ANKRD30A: variants seen among roughly 807,000 people sequenced by gnomAD.
The protein encoded by ANKRD30A is ankyrin repeat domain-containing protein 30A.
A neutral mutation model predicts 166.3 loss-of-function variants in ANKRD30A; 170 were observed. The ratio of observed to expected loss-of-function variants is 1.02; its 90% CI spans 0.90 to 1.16. The LOEUF (loss-of-function observed/expected upper bound fraction) is 1.16. Ranked by LOEUF, ANKRD30A falls within the 50% of genes most tolerant of loss-of-function variation. ANKRD30A has a pLI of 0.00. For synonymous variants in ANKRD30A, 564 were observed against 508.9 expected (o/e 1.11, Z -1.46); for missense variants, 1,630 against 1,518.0 (o/e 1.07, Z -1.23).
chr10:37,217,700 C>T lies in ANKRD30A; in HGVS notation c.3089C>T (p.Thr1030Ile). 1 of 1,550,886 alleles carries T rather than the reference C, an allele frequency of 6.4e-7. No homozygotes were observed. The highest frequency in any genetic ancestry group is 8.7e-7 in the Non-Finnish European group (1 of 1,153,850). The stretch of plus-strand genomic sequence containing the variant: ...ATAAGTATGTTTAATGGCAGATTGA[C>T]TTTAAACCAAGAAGAAGAGAAGAGA... ...WEQELCSVRL[T>I]LNQEEEKRRN... is the part of the protein sequence containing the mutation. Residue 1030 changes from threonine to isoleucine, a missense_variant, in exon 33 of 36, where the codon ACT becomes ATT. Physicochemically the swap from Thr to Ile is moderately conservative, Grantham distance 89 (BLOSUM62 -1). This residue lies in a region of ANKRD30A where 712 missense variants were observed against 629.3 expected (regional missense o/e 1.13). Coordinates refer to ENST00000361713, the MANE Select transcript of ANKRD30A (RefSeq NM_052997.3).
chr10:37,148,293 A>G (rs1277525382), intron 9 of ANKRD30A, among the ~76,000 whole-genome samples: 3 of 152,090 alleles, frequency 2.0e-5, no homozygotes, highest in Non-Finnish European at 4.4e-5. Context: ...AGAAAGCATT[A>G]TATTCCTTTT....
chr10:37,140,378 A>C (rs541602892), intron 6 of ANKRD30A, among the ~76,000 whole-genome samples: 1 of 152,340 alleles, frequency 6.6e-6, no homozygotes. Flanking sequence ...AATGTCAACA[A>C]GAATTACAAA....
At chr10:37,205,622 G>C (rs1012218339) in intron 31 of ANKRD30A, among the ~76,000 whole-genome samples, 27 of 151,870 alleles carry the variant, frequency 1.8e-4, no homozygotes, top group African/African-American at 6.3e-4. Flanking sequence ...ATTTCCACCC[G>C]TACTTACACG....
chr10:37,156,915 A>G (rs1338284158), intron 13 of ANKRD30A, among the ~76,000 whole-genome samples: 1 of 152,186 alleles, frequency 6.6e-6, no homozygotes, highest in Non-Finnish European at 1.5e-5. Context: ...ATGCATATTT[A>G]GCCTTAAAAT....
chr10:37,192,947 G>T (rs934606939), intron 25 of ANKRD30A, 117 bp from the exon 26 acceptor site: 2 of 1,468,814 alleles, frequency 1.4e-6, no homozygotes, highest in African/African-American at 2.8e-5. Context: ...AAAAGCTAGT[G>T]TAATCCCTTT....
intron 24 of ANKRD30A, among the ~76,000 whole-genome samples, chr10:37,183,753 C>G (rs1332514412): frequency 6.7e-6 from 1 of 148,194 alleles, no homozygotes; most frequent in African/African-American, 2.5e-5. Context: ...AATAAAGCAT[C>G]TGGTTGTAAC....
intron 12 of ANKRD30A, among the ~76,000 whole-genome samples, chr10:37,152,492 G>A (rs1564493931): frequency 6.6e-6 from 1 of 152,032 alleles, no homozygotes. Context: ...AGTTCTAATT[G>A]GATGCATAGA....
At chr10:37,246,989 G>A in the ANKRD30A span, among the ~76,000 whole-genome samples, 1 of 152,168 alleles carries the variant, frequency 6.6e-6, no homozygotes, top group Non-Finnish European at 1.5e-5. Context: ...GGGAGACCGA[G>A]GTGGGTGGAT....
chr10:37,153,081 G>C (rs17606103), intron 12 of ANKRD30A, among the ~76,000 whole-genome samples: 1 of 151,994 alleles, frequency 6.6e-6, no homozygotes, highest in East Asian at 1.9e-4. Context: ...CATATTCTGT[G>C]CATACATTCT....
chr10:37,222,322 G>T (rs1369454572), intron 34 of ANKRD30A, among the ~76,000 whole-genome samples: 1 of 151,200 alleles, frequency 6.6e-6, no homozygotes, highest in African/African-American at 2.4e-5. Flanking sequence ...TTATAGATTT[G>T]CCTGTTCTGA....
chr10:37,153,925 G>A (rs1044684763), intron 13 of ANKRD30A, among the ~76,000 whole-genome samples: 2 of 152,148 alleles, frequency 1.3e-5, no homozygotes, highest in Non-Finnish European at 1.5e-5. Flanking sequence ...AAAGAAGAAT[G>A]TAGTAATAGA....
chr10:37,166,336 A>G (rs976606290), intron 18 of ANKRD30A, among the ~76,000 whole-genome samples: 1 of 152,242 alleles, frequency 6.6e-6, no homozygotes, highest in Non-Finnish European at 1.5e-5. Context: ...AATATGCACG[A>G]GTGAATTTTT....
rs71007622 is a variant in ANKRD30A at position 37,127,046 on chromosome 10, CAAAAAAAAAAAAAAAAAA to C, written c.221+1060_221+1077del. Reference sequence around the variant, plus strand: ...TAGGTGATAGAGTGAAACTCTGTCTCAAAAAAAAAAAAAAAAAAAAAAAAAAAAAAAAAAAAAAATCAC... The same window carrying C: ...TAGGTGATAGAGTGAAACTCTGTCTCAAAAAAAAAAAAAAAAAAAAATCAC... On this transcript the variant is annotated intron_variant, in intron 1 of 35. Coordinates refer to ENST00000361713, the MANE Select transcript of ANKRD30A (RefSeq NM_052997.3). Among the ~76,000 whole-genome samples, 77 of 16,502 alleles carry C rather than the reference CAAAAAAAAAAAAAAAAAA, an allele frequency of 4.7e-3. 1 individual carries two copies. The highest frequency in any genetic ancestry group is 0.023 in the African/African-American group (67 of 2,920). The allele number at this position is 16,502 out of a possible 152,430, so 10.8% of individuals were successfully genotyped here.
At chr10:37,202,374 C>T (rs1249812324) in intron 31 of ANKRD30A, among the ~76,000 whole-genome samples, 1 of 152,108 alleles carries the variant, frequency 6.6e-6, no homozygotes, top group Non-Finnish European at 1.5e-5. Context: ...GAACAACCTC[C>T]TCCAGAATGA....
rs749662238 is a variant in ANKRD30A, at chr10:37,141,901, C to T, written c.1004C>T (p.Thr335Ile). 6.8e-6 allele frequency: 11 copies of T among 1,614,192 alleles called. No individual in the cohort carries two copies. In the African/African-American group the frequency reaches 1.1e-4, roughly 16 times the overall value. Residue 335 changes from threonine (T) to isoleucine (I), a missense_variant, in exon 7 of 36, where the codon ACA becomes ATA. Coordinates refer to ENST00000361713, the MANE Select transcript of ANKRD30A (RefSeq NM_052997.3). ...PDEAASLVEG[T>I]SDKIQCLEKA... The stretch of plus-strand genomic sequence containing the variant: ...GAGGCTGCATCCTTGGTGGAGGGAA[C>T]ATCTGACAAAATTCAATGTTTGGAG...
At chr10:37,151,235 A>T (rs1837912074) in intron 11 of ANKRD30A, among the ~76,000 whole-genome samples, 1 of 152,150 alleles carries the variant, frequency 6.6e-6, no homozygotes, top group Non-Finnish European at 1.5e-5. Flanking sequence ...CTGATAAAGA[A>T]AACTGGACAT....
At chr10:37,254,777 G>A in the ANKRD30A span, among the ~76,000 whole-genome samples, 7 of 148,274 alleles carry the variant, frequency 4.7e-5, no homozygotes, top group Non-Finnish European at 7.4e-5. Context: ...TCCGCCTCCC[G>A]GGTTCACACC....
chr10:37,239,375 C>T, the ANKRD30A span, among the ~76,000 whole-genome samples: 1 of 152,014 alleles, frequency 6.6e-6, no homozygotes, highest in African/African-American at 2.4e-5. Flanking sequence ...AAATATCAAT[C>T]ATAATGTAGA....
chr10:37,258,613 C>T, the ANKRD30A span, among the ~76,000 whole-genome samples: 10 of 146,568 alleles, frequency 6.8e-5, no homozygotes, highest in Admixed American at 1.4e-4. Flanking sequence ...AAAGGTCAAT[C>T]GTAGGTGGGT....
Sources: gnomAD v4.1 joint callset for allele counts (sites outside exome capture counted in the v4.1 genomes callset) on GRCh38, gnomAD v4.1.1 for gene constraint, gnomAD v4.1.1 regional missense constraint, MANE v1.5 for transcripts, NCBI Gene and HGNC (gene_info 2026-07-23, HGNC 2026-07-21) for gene names.